Variants in CR1 observed in about 807,000 individuals in gnomAD.
The protein encoded by CR1 is complement receptor type 1.
Under a neutral mutation model 187.3 loss-of-function variants are expected in CR1, and 116 were observed. The observed-to-expected ratio is 0.62, with a 90% confidence interval of 0.53 to 0.72. The LOEUF (loss-of-function observed/expected upper bound fraction) is 0.72. Ranked by LOEUF, CR1 falls within the 30% of genes least tolerant of loss-of-function variation. The pLI is 0.00. For missense variants in CR1, 1,731 were observed against 2,110.7 expected, an observed-to-expected ratio of 0.82 and a Z score of 3.52; for synonymous variants, 576 against 747.1, an observed-to-expected ratio of 0.77 and a Z score of 3.73.
rs1311120822 is a variant in CR1, at chr1:207,639,382, A to G, written c.7458-15A>G. 1.9e-6 allele frequency: 3 copies of G among 1,596,992 alleles called. No individual in the cohort carries two copies. The highest frequency in any genetic ancestry group is 2.6e-6 in the Non-Finnish European group (3 of 1,170,414). ...ACCATGCTGTTAATTAAATGAAAAC[A>G]TCCTGTTATTTCAGGGTCCTTCCTT... On this transcript the variant is annotated splice_polypyrimidine_tract_variant and intron_variant, in intron 46 of 46. Transcript: ENST00000367049.
intron 35 of CR1, among the ~76,000 whole-genome samples, chr1:207,606,787 C>A (rs1661766295): frequency 6.6e-6 from 1 of 152,126 alleles, no homozygotes; most frequent in African/African-American, 2.4e-5. Flanking sequence ...TTTACTGACT[C>A]TTCTGGGTAA....
chr1:207,521,863 T>C (rs1193037465), intron 4 of CR1, among the ~76,000 whole-genome samples: 2 of 150,052 alleles, frequency 1.3e-5, no homozygotes, highest in Non-Finnish European at 3.0e-5. Context: ...GAGACAGGGT[T>C]TCGCCATGTT....
At chr1:207,614,660 T>G (rs1462000058) in intron 40 of CR1, among the ~76,000 whole-genome samples, 171 bp downstream of exon 40, 1 of 152,210 alleles carries the variant, frequency 6.6e-6, no homozygotes, top group Non-Finnish European at 1.5e-5. Flanking sequence ...TTCTCTGACA[T>G]GTGTTTTTGT....
chr1:207,618,305 T>C, intron 42 of CR1, 58 bp downstream of exon 42: 1 of 1,512,736 alleles, frequency 6.6e-7, no homozygotes, highest in South Asian at 1.2e-5. Context: ...GCATGAGGCT[T>C]GTAAGGCTGA....
chr1:207,521,018 G>A (rs1364960421), intron 4 of CR1, among the ~76,000 whole-genome samples: 1 of 125,450 alleles, frequency 8.0e-6, no homozygotes, highest in Non-Finnish European at 1.6e-5. Context: ...CTTATCACCT[G>A]GGCTGGAGTG....
rs1291119752 is a variant in CR1, at chr1:207,611,961, G to C, written c.6495G>C (p.Leu2165=). 2 of 1,613,852 alleles carry C rather than the reference G, an allele frequency of 1.2e-6. No individual in the cohort carries two copies. Among genetic ancestry groups the C allele is most frequent in the South Asian group, 2.2e-5 (2 of 91,088 alleles). The change falls in exon 39 of 47, where the codon CTG becomes CTC. Residue 2165 remains leucine (L), a synonymous_variant. Transcript: ENST00000367049. ...RCTVKSCDDF[L]GQLPHGRVLL... is the part of the protein sequence containing the mutation. ...TAGTGAAATCCTGTGATGACTTCCT[G>C]GGCCAACTCCCTCATGGCCGTGTGC...
At chr1:207,526,465 C>T (rs1466543963) in intron 5 of CR1, among the ~76,000 whole-genome samples, 2 of 150,480 alleles carry the variant, frequency 1.3e-5, no homozygotes, top group Non-Finnish European at 2.9e-5. Context: ...TAATTGGAAG[C>T]ATTCTAGAAG....
intron 46 of CR1, among the ~76,000 whole-genome samples, chr1:207,637,692 G>C (rs1230400407): frequency 1.3e-5 from 2 of 152,202 alleles, no homozygotes; most frequent in East Asian, 3.8e-4. Context: ...CCTCAGGTTT[G>C]GCAGGGCAAT....
intron 42 of CR1, among the ~76,000 whole-genome samples, chr1:207,619,379 A>G (rs78404773): frequency 7.0e-6 from 1 of 143,426 alleles, no homozygotes; most frequent in Non-Finnish European, 1.5e-5. Flanking sequence ...TGAGACTCAA[A>G]AAAAAAAAAA....
In CR1 at chr1:207,616,586, C is replaced by G. The variant is rs370898285; in HGVS notation, c.6673C>G (p.Pro2225Ala). The change falls in exon 41 of 47, where the codon CCA (proline) becomes GCA (alanine). Residue 2225 changes from proline (P) to alanine (A), a missense_variant. Pro to Ala is a conservative substitution (Grantham distance 27). Coordinates refer to ENST00000367049, the MANE Select transcript of CR1 (RefSeq NM_000651.6). ...TGTTTTCTTTCTAGAAATCTTTTGTCCAAATCCTCCAGCTATCCTTAATGG... is the reference window on the plus strand; with the variant it reads ...TGTTTTCTTTCTAGAAATCTTTTGTGCAAATCCTCCAGCTATCCTTAATGG... The part of the protein sequence containing the change: ...SVPVCEQIFC[P>A]NPPAILNGRH... 1.2e-6 allele frequency: 2 copies of G among 1,613,420 alleles called. No individual in the cohort carries two copies. Among genetic ancestry groups the G allele is most frequent in the African/African-American group, 2.7e-5 (2 of 74,892 alleles).
rs777178887 is a variant in CR1, at chr1:207,506,715, T to C, written c.303T>C (p.Arg101=). 1 of 1,613,314 alleles carries C rather than the reference T, an allele frequency of 6.2e-7. No individual in the cohort carries two copies. Among genetic ancestry groups the C allele is most frequent in the South Asian group, 1.1e-5 (1 of 91,010 alleles). The change falls in exon 3 of 47, where the codon CGT becomes CGC. Residue 101 remains arginine, a splice_region_variant and synonymous_variant. Coordinates refer to ENST00000367049, the MANE Select transcript of CR1 (RefSeq NM_000651.6). Reference sequence around the variant, plus strand: ...CAAAATTCTGTTTCTTTCCTGTAGGTAAATCATGTCGTAATCCTCCAGATC... The same window carrying C: ...CAAAATTCTGTTTCTTTCCTGTAGGCAAATCATGTCGTAATCCTCCAGATC... ...VWTGAKDRCR[R]KSCRNPPDPV... is the part of the protein sequence containing the mutation.
intron 1 of CR1, 39 bp downstream of exon 1, chr1:207,496,427 C>G (rs1267145428): frequency 4.5e-6 from 7 of 1,567,352 alleles, no homozygotes; most frequent in Non-Finnish European, 5.2e-6. Flanking sequence ...CCCGGGCGGA[C>G]GAGGAACCCG....
chr1:207,592,778 A>C (rs1247522715), intron 35 of CR1, among the ~76,000 whole-genome samples: 1 of 152,150 alleles, frequency 6.6e-6, no homozygotes, highest in Admixed American at 6.5e-5. Context: ...CAAAAATCAC[A>C]AGCATTCCTA....
chr1:207,625,993 C>T (rs188276969), intron 45 of CR1, among the ~76,000 whole-genome samples: 186 of 152,254 alleles, frequency 1.2e-3, no homozygotes, highest in African/African-American at 4.3e-3. Context: ...AATCTCTTGG[C>T]CTTTCATTAG....
At chr1:207,584,925 C>A (rs1302112747) in intron 33 of CR1, 49 bp downstream of exon 33, 4 of 1,603,242 alleles carry the variant, frequency 2.5e-6, no homozygotes, top group South Asian at 2.2e-5. Flanking sequence ...ATATGTGGAC[C>A]CAATCCCTCA....
chr1:207,515,030 T>C (rs1267290156), intron 4 of CR1, among the ~76,000 whole-genome samples: 36 of 140,326 alleles, frequency 2.6e-4, no homozygotes, highest in South Asian at 6.6e-4. Context: ...CACACACATA[T>C]ATACATATAT....
At position 207,595,139 on chromosome 1, in the gene CR1, C is replaced by T. The variant is rs923569194; in HGVS notation, c.5810+6365C>T. Among the ~76,000 whole-genome samples the T allele has an allele frequency of 1.3e-4, 19 of 142,236 alleles. No homozygotes were observed. The East Asian group carries it at 1.6e-3, about 12-fold the overall frequency. 93.3% of individuals were successfully genotyped at this position (142,236 alleles called of 152,430 possible). On this transcript the variant is annotated intron_variant, in intron 35 of 46. Coordinates refer to ENST00000367049, the MANE Select transcript of CR1 (RefSeq NM_000651.6). The stretch of plus-strand genomic sequence containing the variant: ...TAGATTGGAGCCTGCCCCCAACCCC[C>T]GGAAAAAAAAAAAAAAAACACCAAA...
chr1:207,641,264 A>C lies in CR1; in HGVS notation c.*1855A>C, dbSNP rs1489160194. 2.0e-5 allele frequency: 3 copies of C among 152,076 alleles called. No individual in the cohort carries two copies. Among genetic ancestry groups the C allele is most frequent in the Non-Finnish European group, 2.9e-5 (2 of 67,992 alleles). The allele number at this position is 152,076 out of a possible 1,614,324, so 9.4% of individuals were successfully genotyped here. A position where few individuals can be genotyped will look rare whatever the true frequency, so the allele number is the denominator to read the frequency against. On this transcript the variant is annotated 3_prime_UTR_variant, in exon 47 of 47. Transcript: ENST00000367049. ...TTAAAATTTCCCATTACAAGAAAAA[A>C]AAATCCTGTGTTCTTTTTTTTTTCC...
chr1:207,497,111 A>G (rs1054665492), intron 1 of CR1, among the ~76,000 whole-genome samples: 1 of 152,224 alleles, frequency 6.6e-6, no homozygotes, highest in Non-Finnish European at 1.5e-5. Flanking sequence ...AGACAGATGC[A>G]TGCCAGGCAC....
Sources: allele counts gnomAD v4.1 joint callset (sites outside exome capture counted in the v4.1 genomes callset), GRCh38; gene constraint gnomAD v4.1.1; transcripts MANE v1.5; gene names NCBI Gene and HGNC (gene_info 2026-07-23, HGNC 2026-07-21).